The following PMM2 variants were observed in gnomAD, a reference collection of about 807,000 sequenced individuals.
PMM2 encodes phosphomannomutase 2.
PMM2 carries 35 observed loss-of-function variants against 33.2 expected under a neutral mutation model. That is an observed-to-expected ratio of 1.06 (90% CI 0.81 to 1.40). The LOEUF (loss-of-function observed/expected upper bound fraction) is 1.40, where lower values mean the gene tolerates loss of function less well. Among genes scored for constraint, PMM2 ranks in the 40% most tolerant of loss-of-function variants. PMM2 has a pLI of 0.00. For synonymous variants in PMM2, 153 were observed against 114.7 expected (o/e 1.33, Z -2.13); for missense variants, 386 against 306.0 (o/e 1.26, Z -1.95).
chr16:8,824,409 T>A (rs1253491294), intron 7 of PMM2, among the ~76,000 whole-genome samples: 1 of 152,146 alleles, frequency 6.6e-6, no homozygotes, highest in Non-Finnish European at 1.5e-5. Flanking sequence ...AAAGATGCAG[T>A]CAACAAGGAA....
chr16:8,825,765 T>TC (rs2060764189), intron 7 of PMM2, among the ~76,000 whole-genome samples: 1 of 150,446 alleles, frequency 6.6e-6, no homozygotes, highest in Admixed American at 6.6e-5. Flanking sequence ...TATTTTTTTT[T>TC]TTTTTTTTGA....
chr16:8,844,584 G>A (rs532714503), intron 7 of PMM2, among the ~76,000 whole-genome samples: 3 of 152,322 alleles, frequency 2.0e-5, no homozygotes, highest in African/African-American at 4.8e-5. Flanking sequence ...GGGACTTGCC[G>A]CTAAGGGTTA....
chr16:8,812,950 T>C (rs1490071302), intron 6 of PMM2, 41 bp from the exon 7 acceptor site: 2 of 1,112,084 alleles, frequency 1.8e-6, no homozygotes, highest in East Asian at 2.3e-5. Context: ...TTAGCCCCTT[T>C]TTCACCTTTT....
In PMM2 at chr16:8,830,219, G is replaced by T. The variant is rs567041919; in HGVS notation, c.639+17113G>T. On this transcript the variant is annotated intron_variant, in intron 7 of 7. Transcript: ENST00000268261. ...TCTGGATCCATCACCAGTGAGGGGG[G>T]TTGGGGAGGCTACTGAATCGCTGGA... Among the ~76,000 whole-genome samples the T allele has an allele frequency of 3.9e-5, 6 of 152,348 alleles. 1 individual carries two copies. In the South Asian group the frequency reaches 1.2e-3, roughly 32 times the overall value.
intron 7 of PMM2, among the ~76,000 whole-genome samples, chr16:8,844,311 G>A (rs183765426): frequency 0.012 from 1,788 of 152,198 alleles, 19 homozygotes; most frequent in Middle Eastern, 0.065. Context: ...CCAGAGAAAA[G>A]AGAGCGTAGA....
chr16:8,839,625 A>G (rs1304873205), intron 7 of PMM2, among the ~76,000 whole-genome samples: 1 of 152,058 alleles, frequency 6.6e-6, no homozygotes, highest in Non-Finnish European at 1.5e-5. Context: ...GTGTCTTCCT[A>G]AGCAATAATT....
At chr16:8,798,608 G>C (rs1160212724) in intron 1 of PMM2, among the ~76,000 whole-genome samples, 1 of 152,236 alleles carries the variant, frequency 6.6e-6, no homozygotes, top group African/African-American at 2.4e-5. Context: ...GGGAGATGGA[G>C]GAGCCCTAGG....
intron 2 of PMM2, among the ~76,000 whole-genome samples, chr16:8,803,613 A>G (rs560623521): frequency 4.6e-5 from 7 of 152,380 alleles, no homozygotes; most frequent in African/African-American, 1.7e-4. Flanking sequence ...TCCCTTCATT[A>G]AGGTTGACAA....
chr16:8,814,611 C>G (rs1290449196), intron 7 of PMM2, among the ~76,000 whole-genome samples: 1 of 152,128 alleles, frequency 6.6e-6, no homozygotes, highest in Non-Finnish European at 1.5e-5. Flanking sequence ...AACTGAAACC[C>G]ATAAAGGGTA....
intron 4 of PMM2, chr16:8,810,053 C>T (rs1165790319): frequency 6.6e-6 from 1 of 152,344 alleles, no homozygotes; most frequent in Non-Finnish European, 1.5e-5. Flanking sequence ...TCAAGCCATT[C>T]ACCCACCTTG....
In PMM2 at chr16:8,812,987, G is replaced by T; in HGVS notation, c.524-4G>T. 1 of 1,573,526 alleles carries T rather than the reference G, an allele frequency of 6.4e-7. No homozygotes were observed. The highest frequency in any genetic ancestry group is 1.3e-5 in the African/African-American group (1 of 74,246). ...CCTTTGTGTGCCCCGTCCCCACCCG[G>T]CAGGAGGCCAGATCAGCTTTGATGT... On this transcript the variant is annotated splice_region_variant and splice_polypyrimidine_tract_variant and intron_variant, in intron 6 of 7. Transcript: ENST00000268261.
chr16:8,830,294 TC>T (rs2060802291), intron 7 of PMM2, among the ~76,000 whole-genome samples: 1 of 152,094 alleles, frequency 6.6e-6, no homozygotes, highest in Non-Finnish European at 1.5e-5. Flanking sequence ...TGTAACCCCC[TC>T]CACAGGTTCT....
At chr16:8,816,190 G>A (rs541635124) in intron 7 of PMM2, among the ~76,000 whole-genome samples, 9 of 152,030 alleles carry the variant, frequency 5.9e-5, no homozygotes, top group Non-Finnish European at 1.2e-4. Context: ...GCAGTGATGC[G>A]ATCTTGGCTC....
chr16:8,798,713 TTA>T (rs1467842475), intron 1 of PMM2, among the ~76,000 whole-genome samples: 1 of 152,172 alleles, frequency 6.6e-6, no homozygotes, highest in African/African-American at 2.4e-5. Context: ...TAAGTTTCAG[TTA>T]CGATCAGCCT....
chr16:8,812,262 G>A (rs372114285), intron 6 of PMM2, among the ~76,000 whole-genome samples: 1 of 152,202 alleles, frequency 6.6e-6, no homozygotes, highest in Non-Finnish European at 1.5e-5. Flanking sequence ...AACGTTTCTG[G>A]TGTCTAATGC....
rs371636481 is a variant in PMM2 at position 8,827,740 on chromosome 16, A to T, written c.639+14634A>T. On this transcript the variant is annotated intron_variant, in intron 7 of 7. Transcript: ENST00000268261. ...TGTGCATATATATATATATATATAT[A>T]TATATATATATATATATATATGCAC... Among the ~76,000 whole-genome samples the T allele has an allele frequency of 4.2e-3, 141 of 33,190 alleles. 3 individuals carry two copies. The highest frequency in any genetic ancestry group is 0.014 in the African/African-American group (134 of 9,514). The allele number at this position is 33,190 out of a possible 152,430, so 21.8% of individuals were successfully genotyped here.
intron 1 of PMM2, among the ~76,000 whole-genome samples, chr16:8,800,665 C>CTTTTTTTTTTTTTTTTTTTTT (rs35148703): frequency 3.9e-5 from 5 of 126,672 alleles, no homozygotes; most frequent in Admixed American, 7.8e-5. Context: ...TAAGCTTCTC[C>CTTTTTTTTTTTTTTTTTTTTT]TTTTTTTTTT....
intron 7 of PMM2, among the ~76,000 whole-genome samples, chr16:8,841,949 G>T (rs1266318473): frequency 0.011 from 1,296 of 120,850 alleles, no homozygotes; most frequent in Non-Finnish European, 0.012. Context: ...AATGTAGAGA[G>T]TGAGTTGAGC....
intron 7 of PMM2, among the ~76,000 whole-genome samples, chr16:8,831,410 A>C (rs1426164119): frequency 1.3e-5 from 2 of 152,212 alleles, no homozygotes; most frequent in Non-Finnish European, 2.9e-5. Context: ...GGTGGTGCAC[A>C]CCTGTAGTCC....
Sources: gnomAD v4.1 joint callset for allele counts (sites outside exome capture counted in the v4.1 genomes callset) on GRCh38, gnomAD v4.1.1 for gene constraint, MANE v1.5 for transcripts, NCBI Gene and HGNC (gene_info 2026-07-23, HGNC 2026-07-21) for gene names.